Variants in CNTN6 observed in about 807,000 individuals in gnomAD.
CNTN6 encodes the protein contactin 6.
Under a neutral mutation model 122.8 loss-of-function variants are expected in CNTN6, and 137 were observed. That is an observed-to-expected ratio of 1.12 (90% CI 0.97 to 1.29). The LOEUF (loss-of-function observed/expected upper bound fraction) is 1.29. Among genes scored for constraint, CNTN6 ranks in the 50% most tolerant of loss-of-function variants. The pLI is 0.00. For missense variants in CNTN6, 1,634 were observed against 1,223.4 expected (o/e 1.34, Z -5.01); for synonymous variants, 570 against 426.0 (o/e 1.34, Z -4.16).
intron 12 of CNTN6, among the ~76,000 whole-genome samples, chr3:1,363,090 T>C (rs1707714252): frequency 6.7e-6 from 1 of 150,068 alleles, no homozygotes; most frequent in African/African-American, 2.5e-5. Context: ...AGAATCCCCA[T>C]CACTTAAAAA....
At chr3:1,236,780 T>C (rs1575356312) in intron 4 of CNTN6, among the ~76,000 whole-genome samples, 1 of 152,188 alleles carries the variant, frequency 6.6e-6, no homozygotes, top group African/African-American at 2.4e-5. Flanking sequence ...ATTATTAAGC[T>C]AATCAAGAAG....
intron 7 of CNTN6, among the ~76,000 whole-genome samples, chr3:1,317,099 GAACTGTGA>G (rs1312253118): frequency 1.3e-5 from 2 of 151,858 alleles, no homozygotes; most frequent in Non-Finnish European, 2.9e-5. Flanking sequence ...ATTTAATTAG[GAACTGTGA>G]AATTGTATAA....
intron 12 of CNTN6, among the ~76,000 whole-genome samples, chr3:1,363,135 CT>C (rs1279993152): frequency 6.6e-6 from 1 of 151,838 alleles, no homozygotes; most frequent in East Asian, 1.9e-4. Flanking sequence ...GGTACAACAC[CT>C]TAAATGTTTG....
intron 12 of CNTN6, among the ~76,000 whole-genome samples, chr3:1,365,211 A>C (rs1433377584): frequency 6.6e-6 from 1 of 152,042 alleles, no homozygotes. Context: ...CTATACACTA[A>C]CCTACTTCCA....
chr3:1,165,656 A>G (rs778552432), intron 2 of CNTN6, among the ~76,000 whole-genome samples: 13 of 152,208 alleles, frequency 8.5e-5, no homozygotes, highest in Non-Finnish European at 1.8e-4. Context: ...GTAGCTGCTG[A>G]GTATCTCACT....
rs185739301 is a variant in CNTN6, at chr3:1,195,159, C to G, written c.56-25528C>G. ...CCCAGAATCTGAAGAGATGATCCAA[C>G]TAGCCATTTCTAAGCCTTCTTACAT... On this transcript the variant is annotated intron_variant, in intron 2 of 22. Transcript: ENST00000446702. 8.4e-4 allele frequency among the ~76,000 whole-genome samples: 128 copies of G among 152,246 alleles called. 1 individual carries two copies. The highest frequency in any genetic ancestry group is 3.0e-3 in the African/African-American group (126 of 41,550).
chr3:1,385,877 C>G (rs1692822041), intron 20 of CNTN6, 80 bp downstream of exon 20: 1 of 1,317,980 alleles, frequency 7.6e-7, no homozygotes, highest in African/African-American at 1.5e-5. Flanking sequence ...CATTTCATTC[C>G]CACACCTCAT....
In CNTN6 at chr3:1,382,933, C is replaced by A; in HGVS notation, c.2167-9C>A. On this transcript the variant is annotated splice_polypyrimidine_tract_variant and intron_variant, in intron 17 of 22. Coordinates refer to ENST00000446702, the MANE Select transcript of CNTN6 (RefSeq NM_001289080.2). The stretch of plus-strand genomic sequence containing the variant: ...CAAATACTCAGTGATTGATCACATT[C>A]TGCCCAAGTCAATTCCAGAAGAACT... The A allele has an allele frequency of 6.3e-7, 1 of 1,599,064 alleles. No homozygotes were observed.
intron 11 of CNTN6, among the ~76,000 whole-genome samples, 180 bp from the exon 12 acceptor site, chr3:1,352,144 T>A (rs1299098838): frequency 6.6e-6 from 1 of 151,878 alleles, no homozygotes; most frequent in African/African-American, 2.4e-5. Context: ...CAAATGCCAT[T>A]TACTGTAATA....
intron 1 of CNTN6, among the ~76,000 whole-genome samples, chr3:1,103,090 A>G (rs6787763): frequency 0.063 from 9,543 of 151,826 alleles, 950 homozygotes; most frequent in African/African-American, 0.21. Flanking sequence ...TGGGCGACAG[A>G]GCCAGACTCC....
At chr3:1,355,365 T>C (rs920000897) in intron 12 of CNTN6, among the ~76,000 whole-genome samples, 1 of 151,706 alleles carries the variant, frequency 6.6e-6, no homozygotes, top group Non-Finnish European at 1.5e-5. Flanking sequence ...ACAAGCACAG[T>C]TCTAAGTCTA....
At chr3:1,241,399 C>T (rs9850923) in intron 4 of CNTN6, among the ~76,000 whole-genome samples, 28,852 of 151,652 alleles carry the variant, frequency 0.19, 3,045 homozygotes, top group African/African-American at 0.27. Flanking sequence ...GTGGGAGAGA[C>T]TAAGCTGAAG....
At chr3:1,280,311 T>C (rs932258800) in intron 5 of CNTN6, among the ~76,000 whole-genome samples, 2 of 152,036 alleles carry the variant, frequency 1.3e-5, no homozygotes, top group Admixed American at 6.6e-5. Context: ...TGTGGATCTT[T>C]TAGTGTGTGA....
At chr3:1,336,413 G>C (rs555469374) in intron 11 of CNTN6, among the ~76,000 whole-genome samples, 4 of 151,906 alleles carry the variant, frequency 2.6e-5, no homozygotes, top group African/African-American at 9.6e-5. Flanking sequence ...AAACACAAAG[G>C]CATTTTTAAA....
intron 4 of CNTN6, among the ~76,000 whole-genome samples, chr3:1,257,251 G>T (rs986783898): frequency 2.6e-5 from 4 of 152,002 alleles, no homozygotes; most frequent in Non-Finnish European, 5.9e-5. Context: ...TTTTAAATAT[G>T]TTAATATTTT....
intron 4 of CNTN6, among the ~76,000 whole-genome samples, chr3:1,275,558 GTCACCCCA>G (rs1455834917): frequency 6.6e-6 from 1 of 152,164 alleles, no homozygotes; most frequent in Non-Finnish European, 1.5e-5. Flanking sequence ...AAGTTTAAGA[GTCACCCCA>G]TCAGGTTTAC....
At chr3:1,309,495 T>G (rs972438970) in intron 7 of CNTN6, among the ~76,000 whole-genome samples, 2 of 152,242 alleles carry the variant, frequency 1.3e-5, no homozygotes, top group Non-Finnish European at 2.9e-5. Context: ...TCTATTCTTT[T>G]GCCATTACCA....
chr3:1,372,801 C>G (rs776552672), intron 13 of CNTN6, 37 bp from the exon 14 acceptor site: 5 of 1,272,498 alleles, frequency 3.9e-6, no homozygotes, highest in Non-Finnish European at 5.6e-6. Context: ...GTTATATGGG[C>G]TTACGTTTTT....
chr3:1,238,036 C>G (rs1488412049), intron 4 of CNTN6, among the ~76,000 whole-genome samples: 2 of 150,452 alleles, frequency 1.3e-5, no homozygotes, highest in East Asian at 3.9e-4. Context: ...AAAAAAACCA[C>G]AAGGTATTCA....
Sources: gnomAD v4.1 joint callset for allele counts (sites outside exome capture counted in the v4.1 genomes callset) on GRCh38, gnomAD v4.1.1 for gene constraint, MANE v1.5 for transcripts, NCBI Gene and HGNC (gene_info 2026-07-23, HGNC 2026-07-21) for gene names.